WWOX: variants seen among roughly 807,000 people sequenced by gnomAD.
The protein encoded by WWOX is WW domain containing oxidoreductase.
Under a neutral mutation model 46.2 loss-of-function variants are expected in WWOX, and 69 were observed. That is an observed-to-expected ratio of 1.49 (90% CI 1.23 to 1.82). The LOEUF is 1.82. Among genes scored for constraint, WWOX ranks in the 40% most tolerant of loss-of-function variants. The pLI, the probability that WWOX is intolerant of heterozygous loss-of-function variation, is 0.00. For synonymous variants in WWOX, 359 were observed against 202.6 expected, an observed-to-expected ratio of 1.77 and a Z score of -6.56; for missense variants, 919 against 542.6, an observed-to-expected ratio of 1.69 and a Z score of -6.89.
At chr16:79,002,969 C>A (rs1254334785) in intron 8 of WWOX, among the ~76,000 whole-genome samples, 2 of 152,186 alleles carry the variant, frequency 1.3e-5, no homozygotes, top group East Asian at 3.9e-4. Context: ...AAAATGATAT[C>A]GCTCAGAAAA....
chr16:78,292,779 G>T (rs1240808160), intron 5 of WWOX, among the ~76,000 whole-genome samples: 1 of 152,168 alleles, frequency 6.6e-6, no homozygotes, highest in African/African-American at 2.4e-5. Context: ...GAGCCAAATA[G>T]ATTCACACAG....
At chr16:78,461,870 T>A (rs1279952779) in intron 8 of WWOX, among the ~76,000 whole-genome samples, 1 of 152,240 alleles carries the variant, frequency 6.6e-6, no homozygotes, top group Non-Finnish European at 1.5e-5. Context: ...CAATACCAAC[T>A]GCTGGCAGTT....
chr16:78,232,052 A>G (rs1373193993), intron 5 of WWOX, among the ~76,000 whole-genome samples: 1 of 152,120 alleles, frequency 6.6e-6, no homozygotes, highest in Non-Finnish European at 1.5e-5. Context: ...TTTGCAGTCT[A>G]TTAGGGGCTA....
chr16:79,092,400 G>T (rs972244689), intron 8 of WWOX, among the ~76,000 whole-genome samples: 1 of 152,146 alleles, frequency 6.6e-6, no homozygotes, highest in Admixed American at 6.5e-5. Context: ...TAAAGCCAGA[G>T]GCGATATCAC....
chr16:78,747,947 C>T lies in WWOX; in HGVS notation c.1056+315195C>T, dbSNP rs545569612. On this transcript the variant is annotated intron_variant, in intron 8 of 8. Transcript: ENST00000566780. ...TTTCTTAGACTCAGCATCCTGCAGC[C>T]GAAATAACCATGCTTCTTAGTGGTC... 1.9e-4 allele frequency among the ~76,000 whole-genome samples: 29 copies of T among 152,206 alleles called. No individual in the cohort carries two copies. The South Asian group carries it at 4.1e-3, about 22-fold the overall frequency.
intron 8 of WWOX, among the ~76,000 whole-genome samples, chr16:79,090,769 G>C (rs1322631983): frequency 6.6e-6 from 1 of 152,156 alleles, no homozygotes; most frequent in Non-Finnish European, 1.5e-5. Context: ...AGGAGGCTTG[G>C]CCATGCCCTG....
Position 79,001,241 on chromosome 16 carries a change from C to G in WWOX, c.1057-210367C>G, listed in dbSNP as rs147303409. Among the ~76,000 whole-genome samples, 64 of 152,244 alleles carry G rather than the reference C, an allele frequency of 4.2e-4. No homozygotes were observed. In the East Asian group the frequency reaches 0.011, roughly 27 times the overall value. On this transcript the variant is annotated intron_variant, in intron 8 of 8. Coordinates refer to ENST00000566780, the MANE Select transcript of WWOX (RefSeq NM_016373.4). ...AGGCCGGTTAGAGACAGGCTGGCAG[C>G]TTTGCCTCCTCTCCCAAGACAAAGG...
At chr16:78,757,550 G>T (rs934554759) in intron 8 of WWOX, among the ~76,000 whole-genome samples, 3 of 152,034 alleles carry the variant, frequency 2.0e-5, no homozygotes, top group African/African-American at 7.3e-5. Context: ...ATTTAACCCA[G>T]TTAACTCTTC....
chr16:78,676,288 C>T (rs555174813), intron 8 of WWOX, among the ~76,000 whole-genome samples: 21 of 152,188 alleles, frequency 1.4e-4, no homozygotes, highest in Admixed American at 7.2e-4. Context: ...CTACCATCCT[C>T]TAAAGAAGCG....
chr16:78,704,858 TG>T (rs1275960503), intron 8 of WWOX, among the ~76,000 whole-genome samples: 2 of 152,094 alleles, frequency 1.3e-5, no homozygotes, highest in East Asian at 3.9e-4. Context: ...TGGCTTCTTT[TG>T]TGGGCCACCC....
rs561602531 is a variant in WWOX, at chr16:78,938,380, G to C, written c.1057-273228G>C. ...ACCACTGACAGTGTTTCCTGGGATG[G>C]TGATATTTATCAAGTGCAGAGGCCC... On this transcript the variant is annotated intron_variant, in intron 8 of 8. Transcript: ENST00000566780. Among the ~76,000 whole-genome samples, 3 of 152,248 alleles carry C rather than the reference G, an allele frequency of 2.0e-5. No individual in the cohort carries two copies. The East Asian group carries it at 5.8e-4, about 29-fold the overall frequency.
intron 8 of WWOX, among the ~76,000 whole-genome samples, chr16:78,572,362 C>T (rs1248213429): frequency 1.3e-5 from 2 of 152,114 alleles, no homozygotes; most frequent in African/African-American, 4.8e-5. Flanking sequence ...TGGAAGGCCA[C>T]AGTCGGCAGA....
intron 8 of WWOX, among the ~76,000 whole-genome samples, chr16:78,453,453 G>C (rs59890449): frequency 0.12 from 18,013 of 151,634 alleles, 1,659 homozygotes; most frequent in African/African-American, 0.25. Context: ...TTATTCAGTT[G>C]ATTTAAGATG....
rs1466677812 is a variant in WWOX at position 78,945,691 on chromosome 16, G to A, written c.1057-265917G>A. ...TTTTTTTCTTTGACTTTCCTTGTATGCCCCCCTTTCTCCCCTGCATTGTCT... is the reference window on the plus strand; with the variant it reads ...TTTTTTTCTTTGACTTTCCTTGTATACCCCCCTTTCTCCCCTGCATTGTCT... On this transcript the variant is annotated intron_variant, in intron 8 of 8. Coordinates refer to ENST00000566780, the MANE Select transcript of WWOX (RefSeq NM_016373.4). Among the ~76,000 whole-genome samples the A allele has an allele frequency of 2.0e-5, 3 of 151,650 alleles. No individual in the cohort carries two copies. In the East Asian group the frequency reaches 5.8e-4, roughly 29 times the overall value.
intron 8 of WWOX, among the ~76,000 whole-genome samples, chr16:78,560,789 A>G (rs1226810115): frequency 6.6e-6 from 1 of 152,232 alleles, no homozygotes; most frequent in African/African-American, 2.4e-5. Flanking sequence ...AGGCATGGTC[A>G]TTGTGAATGC....
intron 8 of WWOX, among the ~76,000 whole-genome samples, chr16:79,000,913 A>T (rs2047079805): frequency 6.6e-6 from 1 of 152,126 alleles, no homozygotes; most frequent in Non-Finnish European, 1.5e-5. Context: ...GATTTAATTA[A>T]TACTCATCTG....
At chr16:78,355,691 G>C (rs941943925) in intron 5 of WWOX, 8 of 737,752 alleles carry the variant, frequency 1.1e-5, no homozygotes, top group South Asian at 9.3e-5. Context: ...GATCTTGGGA[G>C]ACGTGGAAGA....
chr16:78,118,800 T>C (rs11645921), intron 4 of WWOX, among the ~76,000 whole-genome samples: 55,174 of 152,062 alleles, frequency 0.36, 10,167 homozygotes, highest in East Asian at 0.48. Flanking sequence ...GCAAATGGAA[T>C]GCCCCAGGCC....
chr16:78,107,444 C>T (rs957329058), intron 1 of WWOX, among the ~76,000 whole-genome samples: 3 of 152,130 alleles, frequency 2.0e-5, no homozygotes, highest in South Asian at 2.1e-4. Flanking sequence ...AAGTGCTATG[C>T]GAAACCCTGG....
Sources: allele counts gnomAD v4.1 joint callset (sites outside exome capture counted in the v4.1 genomes callset), GRCh38; gene constraint gnomAD v4.1.1; transcripts MANE v1.5; gene names NCBI Gene and HGNC (gene_info 2026-07-23, HGNC 2026-07-21).